The following SNCG variants were observed in gnomAD, a reference collection of about 807,000 sequenced individuals.
The protein encoded by SNCG is gamma-synuclein.
In SNCG, 13 loss-of-function variants were observed where a neutral mutation model predicts 16.0. The observed-to-expected ratio is 0.81, with a 90% confidence interval of 0.53 to 1.29. SNCG has a LOEUF of 1.29. Among genes scored for constraint, SNCG ranks in the 50% most tolerant of loss-of-function variants. The pLI is 0.00. For missense variants in SNCG, 154 were observed against 168.5 expected, an observed-to-expected ratio of 0.91 and a Z score of 0.48; for synonymous variants, 66 against 66.3, an observed-to-expected ratio of 1.00 and a Z score of 0.02.
chr10:86,962,710 G>A (rs1340089294), intron 4 of SNCG, 35 bp downstream of exon 4: 4 of 1,550,312 alleles, frequency 2.6e-6, no homozygotes, highest in African/African-American at 1.4e-5. Context: ...ACCATGGGGG[G>A]TTCCTTGGTA....
At position 86,958,692 on chromosome 10, in the gene SNCG, C is replaced by T; in HGVS notation, c.-6C>T. The T allele has an allele frequency of 6.2e-7, 1 of 1,613,902 alleles. No individual in the cohort carries two copies. The highest frequency in any genetic ancestry group is 8.5e-7 in the Non-Finnish European group (1 of 1,179,922). On this transcript the variant is annotated 5_prime_UTR_variant, in exon 1 of 5. Coordinates refer to ENST00000372017, the MANE Select transcript of SNCG (RefSeq NM_003087.3). ...GCCTGCAGCAGCACAACCCTGCACA[C>T]CCACCATGGATGTCTTCAAGAAGGG... is the stretch of plus-strand genomic sequence containing the variant.
chr10:86,959,979 G>A lies in SNCG; in HGVS notation c.164-22G>A. ...CCTTGGGGCTGGGGCTGGGGTGGAG[G>A]CCAGCCAGTGTCCTCCCATAGTGGC... On this transcript the variant is annotated intron_variant, in intron 2 of 4. Coordinates refer to ENST00000372017, the MANE Select transcript of SNCG (RefSeq NM_003087.3). The surrounding 1 kb of genome is among the most constrained non-coding windows in gnomAD (Gnocchi z 4.3). 1.3e-6 allele frequency: 2 copies of A among 1,574,816 alleles called. No individual in the cohort carries two copies. Among genetic ancestry groups the A allele is most frequent in the Non-Finnish European group, 1.7e-6 (2 of 1,161,288 alleles).
chr10:86,963,034 G>A lies in SNCG; in HGVS notation c.*49G>A. The A allele has an allele frequency of 1.3e-6, 2 of 1,565,958 alleles. No homozygotes were observed. The highest frequency in any genetic ancestry group is 1.7e-6 in the Non-Finnish European group (2 of 1,151,860). On this transcript the variant is annotated 3_prime_UTR_variant, in exon 5 of 5. Coordinates refer to ENST00000372017, the MANE Select transcript of SNCG (RefSeq NM_003087.3). ...ACCTGAAGAGCGCTCCTCTGCCTTG[G>A]ACACCATCCCCTCCTAGCACAAGGA... is the stretch of plus-strand genomic sequence containing the variant.
intron 4 of SNCG, 29 bp downstream of exon 4, chr10:86,962,704 T>G: frequency 6.4e-7 from 1 of 1,566,436 alleles, no homozygotes; most frequent in Non-Finnish European, 8.8e-7. Context: ...GGGTGCACCA[T>G]GGGGGGTTCC....
upstream of SNCG, chr10:86,957,784 A>C: frequency 7.6e-7 from 1 of 1,312,442 alleles, no homozygotes; most frequent in Non-Finnish European, 9.7e-7. Flanking sequence ...TGGCTCAGGG[A>C]CTCTGGGAAT....
At chr10:86,956,639 TCAGGCTC>T (rs1186465156), upstream of SNCG, among the ~76,000 whole-genome samples, 4 of 152,218 alleles carry the variant, frequency 2.6e-5, no homozygotes, top group African/African-American at 9.6e-5. Flanking sequence ...TCTCTGAGCC[TCAGGCTC>T]CTCCTCTGTA....
chr10:86,959,859 G>A lies in SNCG; in HGVS notation c.164-142G>A. On this transcript the variant is annotated intron_variant, in intron 2 of 4. Transcript: ENST00000372017. The surrounding 1 kb of genome is among the most constrained non-coding windows in gnomAD (Gnocchi z 4.3). Reference sequence around the variant, plus strand: ...CTCCTTACCCCCACCAGCATCAGAGGTGCCCTGGAGTCAGAGGGAGCAGGG... The same window carrying A: ...CTCCTTACCCCCACCAGCATCAGAGATGCCCTGGAGTCAGAGGGAGCAGGG... 7.2e-7 allele frequency: 1 copy of A among 1,390,066 alleles called. No individual in the cohort carries two copies. The highest frequency in any genetic ancestry group is 9.7e-7 in the Non-Finnish European group (1 of 1,027,880). 86.1% of individuals were successfully genotyped at this position (1,390,066 alleles called of 1,614,324 possible).
At chr10:86,960,516 C>T (rs1301084622) in intron 3 of SNCG, among the ~76,000 whole-genome samples, 1 of 152,190 alleles carries the variant, frequency 6.6e-6, no homozygotes, top group African/African-American at 2.4e-5. Context: ...GTAGCACCAG[C>T]CCCGCCCCCA....
At position 86,959,328 on chromosome 10, in the gene SNCG, C is replaced by T. The variant is rs1256024206; in HGVS notation, c.122-305C>T. On this transcript the variant is annotated intron_variant, in intron 1 of 4. Coordinates refer to ENST00000372017, the MANE Select transcript of SNCG (RefSeq NM_003087.3). This position sits in a 1 kb window ranked among gnomAD's most constrained non-coding sequence, Gnocchi z 4.3. ...AGCCAATGACTCAGCTCTGGCCCAT[C>T]CTGTCCTGTTGCTGCTTCTGAGGCC... The T allele has an allele frequency of 3.7e-6, 2 of 541,192 alleles. No homozygotes were observed. The allele number at this position is 541,192 out of a possible 1,614,324, so 33.5% of individuals were successfully genotyped here. A position where few individuals can be genotyped will look rare whatever the true frequency, so the allele number is the denominator to read the frequency against.
chr10:86,960,636 C>T (rs1252188976), intron 3 of SNCG, among the ~76,000 whole-genome samples: 1 of 152,196 alleles, frequency 6.6e-6, no homozygotes, highest in Non-Finnish European at 1.5e-5. Flanking sequence ...TGACCCTACC[C>T]TCTGCAGCTG....
chr10:86,960,519 C>T (rs543048205), intron 3 of SNCG, among the ~76,000 whole-genome samples: 10 of 152,314 alleles, frequency 6.6e-5, no homozygotes, highest in Non-Finnish European at 1.3e-4. Flanking sequence ...GCACCAGCCC[C>T]GCCCCCAGGG....
At chr10:86,956,095 T>G (rs1490205539), upstream of SNCG, among the ~76,000 whole-genome samples, 1 of 151,994 alleles carries the variant, frequency 6.6e-6, no homozygotes, top group Non-Finnish European at 1.5e-5. Context: ...GGAGCTTCCT[T>G]GGTCCTGAAA....
chr10:86,956,092 C>T (rs140645843), upstream of SNCG, among the ~76,000 whole-genome samples: 1,013 of 152,238 alleles, frequency 6.7e-3, 16 homozygotes, highest in African/African-American at 0.023. Flanking sequence ...CGTGGAGCTT[C>T]CTTGGTCCTG....
Position 86,958,827 on chromosome 10 carries a change from G to A in SNCG, c.121+9G>A. ...GGGGGTCATGTATGTGGGTAAGTGG[G>A]GCATGGCAGGGTGGGACAGTGTGGT... is the stretch of plus-strand genomic sequence containing the variant. On this transcript the variant is annotated intron_variant, in intron 1 of 4. Coordinates refer to ENST00000372017, the MANE Select transcript of SNCG (RefSeq NM_003087.3). 1 of 1,598,098 alleles carries A rather than the reference G, an allele frequency of 6.3e-7. No individual in the cohort carries two copies. Among genetic ancestry groups the A allele is most frequent in the Non-Finnish European group, 8.5e-7 (1 of 1,171,860 alleles).
At chr10:86,955,759 G>C (rs1202471818), upstream of SNCG, among the ~76,000 whole-genome samples, 1 of 152,182 alleles carries the variant, frequency 6.6e-6, no homozygotes, top group African/African-American at 2.4e-5. Context: ...AGAGAGCATG[G>C]ACTTGCCCTG....
upstream of SNCG, chr10:86,958,033 G>T (rs1009616886): frequency 8.6e-5 from 85 of 985,428 alleles, no homozygotes; most frequent in Non-Finnish European, 1.0e-4. Context: ...CACACAGCAT[G>T]CAGCCAGAGG....
At chr10:86,957,545 G>C (rs1266537824), upstream of SNCG, 13 of 1,605,104 alleles carry the variant, frequency 8.1e-6, no homozygotes, top group Non-Finnish European at 1.0e-5. Flanking sequence ...GGATCATCTT[G>C]GTGGTGGGGC....
In SNCG at chr10:86,959,290, G is replaced by A; in HGVS notation, c.122-343G>A. ...CCTCTCCTGGCACTCTCCAGAGGAG[G>A]AAGGGGAGGTCAAGCCAATGACTCA... On this transcript the variant is annotated intron_variant, in intron 1 of 4. Coordinates refer to ENST00000372017, the MANE Select transcript of SNCG (RefSeq NM_003087.3). This position sits in a 1 kb window ranked among gnomAD's most constrained non-coding sequence, Gnocchi z 4.3. The A allele has an allele frequency of 8.8e-6, 4 of 455,708 alleles. No individual in the cohort carries two copies. The highest frequency in any genetic ancestry group is 1.2e-5 in the Non-Finnish European group (3 of 255,934). 28.2% of individuals were successfully genotyped at this position (455,708 alleles called of 1,614,324 possible). A position where few individuals can be genotyped will look rare whatever the true frequency, so the allele number is the denominator to read the frequency against.
rs141968769 is a variant in SNCG, at chr10:86,958,704, G to A, written c.7G>A (p.Val3Ile). The change falls in exon 1 of 5, where the codon GTC (valine) becomes ATC (isoleucine). Residue 3 changes from valine (V) to isoleucine (I), a missense_variant. Transcript: ENST00000372017. MD[V>I]FKKGFSIAKE... ...ACAACCCTGCACACCCACCATGGAT[G>A]TCTTCAAGAAGGGCTTCTCCATCGC... 130 of 1,614,050 alleles carry A rather than the reference G, an allele frequency of 8.1e-5. No individual in the cohort carries two copies. In the African/African-American group the frequency reaches 1.6e-3, roughly 20 times the overall value.
Sources: allele counts gnomAD v4.1 joint callset (sites outside exome capture counted in the v4.1 genomes callset), GRCh38; gene constraint gnomAD v4.1.1; non-coding constraint Gnocchi (gnomAD v3.1); transcripts MANE v1.5; gene names NCBI Gene and HGNC (gene_info 2026-07-23, HGNC 2026-07-21).